Variants in PCDHA13 observed in about 807,000 individuals in gnomAD.
PCDHA13 encodes protocadherin alpha 13.
Under a neutral mutation model 64.8 loss-of-function variants are expected in PCDHA13, and 54 were observed. The observed-to-expected ratio is 0.83, with a 90% CI of 0.67 to 1.04. The LOEUF is 1.04. Ranked by LOEUF, PCDHA13 falls within the 50% of genes least tolerant of loss-of-function variation. The pLI is 0.00. For synonymous variants in PCDHA13, 587 were observed against 564.4 expected, an observed-to-expected ratio of 1.04 and a Z score of -0.57; for missense variants, 1,248 against 1,254.3, an observed-to-expected ratio of 0.99 and a Z score of 0.08.
intron 1 of PCDHA13, among the ~76,000 whole-genome samples, chr5:140,909,322 T>A (rs1554193738): frequency 6.6e-6 from 1 of 152,236 alleles, no homozygotes. Context: ...ATTTGCCAAA[T>A]CAATGGTTGC....
chr5:141,006,206 A>AT (rs1178693799), intron 3 of PCDHA13, among the ~76,000 whole-genome samples: 16 of 147,954 alleles, frequency 1.1e-4, no homozygotes, highest in East Asian at 5.9e-4. Context: ...GTTATGCCTC[A>AT]TTTTTTTTTA....
At position 140,944,452 on chromosome 5, in the gene PCDHA13, G is replaced by A. The variant is rs147335783; in HGVS notation, c.2395-34497G>A. 1.8e-3 allele frequency among the ~76,000 whole-genome samples: 280 copies of A among 152,282 alleles called. 3 individuals are homozygous for A. Among genetic ancestry groups the A allele is most frequent in the African/African-American group, 6.4e-3 (266 of 41,552 alleles). ...TCTGCCTGCCTCGGCCTCCCAAAGTGCTGGGATTACAGGTATGAGGCACTG... is the reference window on the plus strand; with the variant it reads ...TCTGCCTGCCTCGGCCTCCCAAAGTACTGGGATTACAGGTATGAGGCACTG... On this transcript the variant is annotated intron_variant, in intron 1 of 3. Coordinates refer to ENST00000289272, the MANE Select transcript of PCDHA13 (RefSeq NM_018904.3).
intron 1 of PCDHA13, among the ~76,000 whole-genome samples, chr5:140,886,844 A>C (rs11748231): frequency 2.0e-5 from 3 of 150,634 alleles, no homozygotes; most frequent in African/African-American, 7.3e-5. Flanking sequence ...AAAAAAAAAA[A>C]AAAGAAAGGT....
intron 2 of PCDHA13, among the ~76,000 whole-genome samples, chr5:140,982,084 A>G (rs2096965344): frequency 6.6e-6 from 1 of 152,266 alleles, no homozygotes; most frequent in East Asian, 1.9e-4. Flanking sequence ...TAGAGAACCT[A>G]GGAACAAGAG....
chr5:140,933,629 C>G (rs958764636), intron 1 of PCDHA13, among the ~76,000 whole-genome samples: 1 of 151,846 alleles, frequency 6.6e-6, no homozygotes, highest in Non-Finnish European at 1.5e-5. Context: ...TTAGGCTGGC[C>G]CTGTTAAACA....
intron 1 of PCDHA13, among the ~76,000 whole-genome samples, chr5:140,907,616 G>A (rs2073492016): frequency 6.6e-6 from 1 of 152,216 alleles, no homozygotes; most frequent in Non-Finnish European, 1.5e-5. Flanking sequence ...CATATCAAGG[G>A]CTCAGTGTTG....
At chr5:140,965,356 A>T (rs1554227617) in intron 1 of PCDHA13, among the ~76,000 whole-genome samples, 3 of 152,194 alleles carry the variant, frequency 2.0e-5, no homozygotes, top group African/African-American at 7.2e-5. Flanking sequence ...CCTCTATAGC[A>T]GTACAAGAGG....
At position 140,927,248 on chromosome 5, in the gene PCDHA13, A is replaced by T. The variant is rs572200211; in HGVS notation, c.2394+42586A>T. On this transcript the variant is annotated intron_variant, in intron 1 of 3. Transcript: ENST00000289272. The stretch of plus-strand genomic sequence containing the variant: ...CGGATTCACGTCCTGGACACCAATG[A>T]CAACTCACCTCTCTTTCCTGCCGGC... 3.5e-5 allele frequency: 56 copies of T among 1,614,064 alleles called. No homozygotes were observed. The South Asian group carries it at 5.7e-4, about 16-fold the overall frequency.
chr5:140,897,677 G>T (rs1390475923), intron 1 of PCDHA13, among the ~76,000 whole-genome samples: 1 of 152,168 alleles, frequency 6.6e-6, no homozygotes, highest in African/African-American at 2.4e-5. Flanking sequence ...ATAGCAGCAT[G>T]ATTTATAGTC....
At chr5:140,960,508 A>C (rs1026528724) in intron 1 of PCDHA13, among the ~76,000 whole-genome samples, 10 of 152,190 alleles carry the variant, frequency 6.6e-5, no homozygotes, top group Non-Finnish European at 1.3e-4. Context: ...TCCAAGCAGC[A>C]AACATAATGG....
chr5:140,945,048 A>G (rs2093731802), intron 1 of PCDHA13, among the ~76,000 whole-genome samples: 1 of 152,182 alleles, frequency 6.6e-6, no homozygotes, highest in South Asian at 2.1e-4. Context: ...GGTCTTATAT[A>G]AAGAAAACCC....
At chr5:140,985,582 C>T (rs2097158950) in intron 3 of PCDHA13, among the ~76,000 whole-genome samples, 1 of 152,116 alleles carries the variant, frequency 6.6e-6, no homozygotes, top group Admixed American at 6.5e-5. Context: ...CCTAAGCCTC[C>T]TTATACTTGC....
intron 1 of PCDHA13, among the ~76,000 whole-genome samples, chr5:140,935,909 T>C (rs1452831803): frequency 6.6e-6 from 1 of 151,600 alleles, no homozygotes; most frequent in African/African-American, 2.4e-5. Flanking sequence ...TTTTTTTTTT[T>C]TGAGACAGAT....
At chr5:140,935,767 T>C (rs1373324342) in intron 1 of PCDHA13, among the ~76,000 whole-genome samples, 2 of 152,184 alleles carry the variant, frequency 1.3e-5, no homozygotes, top group Non-Finnish European at 2.9e-5. Flanking sequence ...TCTTCCCCAC[T>C]TTGAGTTTTT....
chr5:141,009,905 G>A lies in PCDHA13; in HGVS notation c.2821G>A (p.Gly941Arg), dbSNP rs781954349. The change falls in exon 4 of 4, where the codon GGG becomes AGG. Residue 941 changes from glycine (G) to arginine (R), a missense_variant. Physicochemically the swap from Gly to Arg is moderately radical, Grantham distance 125. Coordinates refer to ENST00000289272, the MANE Select transcript of PCDHA13 (RefSeq NM_018904.3). ...GNKTQEKKEK[G>R]NSTTDNSDQ Reference sequence around the variant, plus strand: ...CAAGACCCAGGAGAAAAAAGAGAAAGGGAACAGCACGACTGACAACAGTGA... The same window carrying A: ...CAAGACCCAGGAGAAAAAAGAGAAAAGGAACAGCACGACTGACAACAGTGA... 7.4e-6 allele frequency: 12 copies of A among 1,613,058 alleles called. No homozygotes were observed. Among genetic ancestry groups the A allele is most frequent in the Non-Finnish European group, 1.0e-5 (12 of 1,179,832 alleles).
intron 1 of PCDHA13, chr5:140,966,920 C>G: frequency 6.2e-7 from 1 of 1,602,674 alleles, no homozygotes; most frequent in Non-Finnish European, 8.5e-7. Flanking sequence ...GCCAGAGGAG[C>G]AGGCACCCGG....
intron 1 of PCDHA13, among the ~76,000 whole-genome samples, chr5:140,950,025 T>C (rs907309880): frequency 6.6e-6 from 1 of 151,922 alleles, no homozygotes; most frequent in East Asian, 1.9e-4. Context: ...TCATAAAATA[T>C]AGAAAAGTTA....
chr5:140,978,794 TG>T (rs1179958432), intron 1 of PCDHA13, 154 bp from the exon 2 acceptor site: 8 of 978,628 alleles, frequency 8.2e-6, no homozygotes, highest in Non-Finnish European at 9.7e-6. Context: ...GTGCTATATA[TG>T]TAGATATCAT....
chr5:140,890,870 T>A (rs1217710440), intron 1 of PCDHA13, among the ~76,000 whole-genome samples: 1 of 152,226 alleles, frequency 6.6e-6, no homozygotes, highest in Non-Finnish European at 1.5e-5. Flanking sequence ...CTTGCCCCTC[T>A]GACCTTTCAT....
Sources: allele counts gnomAD v4.1 joint callset (sites outside exome capture counted in the v4.1 genomes callset), GRCh38; gene constraint gnomAD v4.1.1; transcripts MANE v1.5; gene names NCBI Gene and HGNC (gene_info 2026-07-23, HGNC 2026-07-21).